The following NAXE variants were observed in gnomAD, a reference collection of about 807,000 sequenced individuals.
NAXE encodes the protein NAD(P)HX epimerase, also known as NAD(P)H-hydrate epimerase.
Under a neutral mutation model 31.2 loss-of-function variants are expected in NAXE, and 25 were observed. That is an observed-to-expected ratio of 0.80 (90% CI 0.58 to 1.12). The LOEUF (loss-of-function observed/expected upper bound fraction) is 1.12, where lower values mean the gene tolerates loss of function less well. Ranked by LOEUF, NAXE falls within the 50% of genes most tolerant of loss-of-function variation. NAXE has a pLI of 0.00. For synonymous variants in NAXE, 144 were observed against 154.5 expected (o/e 0.93, Z 0.50); for missense variants, 362 against 376.1 (o/e 0.96, Z 0.31).
At chr1:156,592,032 T>C (rs1677341496) in intron 1 of NAXE, 46 bp downstream of exon 1, 1 of 1,613,136 alleles carries the variant, frequency 6.2e-7, no homozygotes, top group Non-Finnish European at 8.5e-7. Flanking sequence ...GGGCGGGGCC[T>C]GGGACGGCCG....
At chr1:156,593,051 C>T (rs544783675) in intron 4 of NAXE, 1 of 387,838 alleles carries the variant, frequency 2.6e-6, no homozygotes, top group South Asian at 4.4e-5. Context: ...TTCCTTAACC[C>T]ATTTTACAGA....
At position 156,594,058 on chromosome 1, in the gene NAXE, A is replaced by G. The variant is rs762855846; in HGVS notation, c.841A>G (p.Thr281Ala). ...GCTGAACCTGCCACCCTACCCTGAC[A>G]CCGAGTGTGTCTATCGTCTGCAGTG... is the stretch of plus-strand genomic sequence containing the variant. ...YQLNLPPYPDTECVYRLQ is the reference protein window; with the variant it reads ...YQLNLPPYPDAECVYRLQ Residue 281 changes from threonine (T) to alanine (A), a missense_variant, in exon 6 of 6, where the codon ACC becomes GCC. By Grantham distance (58) the Thr-to-Ala change is moderately conservative (BLOSUM62 0). Coordinates refer to ENST00000368235, the MANE Select transcript of NAXE (RefSeq NM_144772.3). 1 of 1,614,032 alleles carries G rather than the reference A, an allele frequency of 6.2e-7. No individual in the cohort carries two copies. The highest frequency in any genetic ancestry group is 1.1e-5 in the South Asian group (1 of 91,068).
At chr1:156,593,677 C>A (rs1178105729) in intron 5 of NAXE, 122 bp downstream of exon 5, 10 of 1,447,562 alleles carry the variant, frequency 6.9e-6, no homozygotes, top group Non-Finnish European at 9.5e-6. Flanking sequence ...GGACCCCCAT[C>A]AGGGCTGGGG....
At chr1:156,593,712 C>T in intron 5 of NAXE, 157 bp downstream of exon 5, 2 of 1,335,956 alleles carry the variant, frequency 1.5e-6, no homozygotes, top group Non-Finnish European at 2.1e-6. Context: ...GTCCCCTTTA[C>T]ATGTTGGCCC....
intron 4 of NAXE, chr1:156,592,914 A>C (rs572841989): frequency 3.7e-6 from 2 of 537,996 alleles, no homozygotes; most frequent in African/African-American, 1.9e-5. Context: ...TCCACTCTGT[A>C]GTCAGATCCT....
chr1:156,592,079 T>G (rs1004562845), intron 1 of NAXE, 22 bp from the exon 2 acceptor site: 1 of 1,614,122 alleles, frequency 6.2e-7, no homozygotes, highest in Non-Finnish European at 8.5e-7. Flanking sequence ...GGGGCGGGAC[T>G]CAGGCCGCGG....
Position 156,592,362 on chromosome 1 carries a change from C to G in NAXE, c.292-3C>G. 1 of 1,613,900 alleles carries G rather than the reference C, an allele frequency of 6.2e-7. No individual in the cohort carries two copies. The highest frequency in any genetic ancestry group is 8.5e-7 in the Non-Finnish European group (1 of 1,179,836). ...GCCGAACCACCCTTGACTCTGCCTT[C>G]AGGCATATCCCCCCACGTCCATGTC... On this transcript the variant is annotated splice_region_variant and splice_polypyrimidine_tract_variant and intron_variant, in intron 2 of 5. Transcript: ENST00000368235.
chr1:156,593,848 T>A (rs1352398870), intron 5 of NAXE, 34 bp from the exon 6 acceptor site: 1 of 1,605,802 alleles, frequency 6.2e-7, no homozygotes, highest in Admixed American at 1.7e-5. Context: ...GGACGAGACA[T>A]CTGGCCTCTT....
chr1:156,593,119 C>T (rs1677384705), intron 4 of NAXE: 1 of 459,188 alleles, frequency 2.2e-6, no homozygotes, highest in Non-Finnish European at 3.9e-6. Context: ...TGTATCATGG[C>T]AGAGCTGAAA....
intron 4 of NAXE, chr1:156,593,168 A>G (rs958175165): frequency 1.4e-5 from 7 of 505,642 alleles, no homozygotes; most frequent in African/African-American, 1.2e-4. Flanking sequence ...AGGCTATCTC[A>G]GCCTGTAGCC....
chr1:156,592,279 G>A, intron 2 of NAXE, 70 bp downstream of exon 2: 1 of 1,604,530 alleles, frequency 6.2e-7, no homozygotes, highest in Non-Finnish European at 8.5e-7. Flanking sequence ...CCTGGCCTAG[G>A]CACAAAGGGG....
In NAXE at chr1:156,592,178, C is replaced by T; in HGVS notation, c.260C>T (p.Ala87Val). Residue 87 changes from alanine (A) to valine (V), a missense_variant, in exon 2 of 6, where the codon GCC (alanine) becomes GTC (valine). By Grantham distance (64) the Ala-to-Val change is moderately conservative. Coordinates refer to ENST00000368235, the MANE Select transcript of NAXE (RefSeq NM_144772.3). ...AGCGTGGACCAACTTATGGAACTGG[C>T]CGGGCTGAGCTGTGCTACAGCCATC... ...QFSVDQLMEL[A>V]GLSCATAIAK... The T allele has an allele frequency of 6.2e-7, 1 of 1,614,198 alleles. No individual in the cohort carries two copies.
At position 156,592,294 on chromosome 1, in the gene NAXE, A is replaced by G. The variant is rs575455774; in HGVS notation, c.292-71A>G. On this transcript the variant is annotated intron_variant, in intron 2 of 5. Transcript: ENST00000368235. ...CCTGGCCTAGGCACAAAGGGGTGGG[A>G]GAGACAGCTGGGCCAATATGGTCTA... 63 of 1,602,990 alleles carry G rather than the reference A, an allele frequency of 3.9e-5. No homozygotes were observed. In the African/African-American group the frequency reaches 8.2e-4, roughly 21 times the overall value.
Position 156,594,052 on chromosome 1 carries a change from C to T in NAXE, c.835C>T (p.Pro279Ser), listed in dbSNP as rs1380810244. 6.2e-7 allele frequency: 1 copy of T among 1,613,990 alleles called. No homozygotes were observed. Among genetic ancestry groups the T allele is most frequent in the Non-Finnish European group, 8.5e-7 (1 of 1,179,998 alleles). ...KKYQLNLPPY[P>S]DTECVYRLQ ...GTACCAGCTGAACCTGCCACCCTAC[C>T]CTGACACCGAGTGTGTCTATCGTCT... is the stretch of plus-strand genomic sequence containing the variant. Residue 279 changes from proline to serine, a missense_variant, in exon 6 of 6, where the codon CCT becomes TCT. By Grantham distance (74) the Pro-to-Ser change is moderately conservative. Transcript: ENST00000368235.
At chr1:156,592,921 T>C in intron 4 of NAXE, 1 of 528,152 alleles carries the variant, frequency 1.9e-6, no homozygotes, top group Non-Finnish European at 3.4e-6. Context: ...TGTAGTCAGA[T>C]CCTCTTGCCC....
chr1:156,593,603 C>T lies in NAXE; in HGVS notation c.664+48C>T, dbSNP rs373985294. On this transcript the variant is annotated intron_variant, in intron 5 of 5. Coordinates refer to ENST00000368235, the MANE Select transcript of NAXE (RefSeq NM_144772.3). ...GTGGGGGAGATTGGGGCCCTACCCT[C>T]CTGACTCTTGCCCACACCAGGTCTA... The T allele has an allele frequency of 2.5e-6, 4 of 1,611,564 alleles. No individual in the cohort carries two copies. The African/African-American group carries it at 5.3e-5, about 21-fold the overall frequency.
Position 156,594,256 on chromosome 1 carries a change from G to T in NAXE, c.*172G>T. 1.6e-6 allele frequency: 1 copy of T among 643,718 alleles called. No individual in the cohort carries two copies. The highest frequency in any genetic ancestry group is 2.0e-5 in the South Asian group (1 of 50,860). The allele number at this position is 643,718 out of a possible 1,614,324, so 39.9% of individuals were successfully genotyped here. Reference sequence around the variant, plus strand: ...GGGGTAACACAAAGGGCAAGAGGTTGCTATGGTATTTGGAAACAATGAAAA... The same window carrying T: ...GGGGTAACACAAAGGGCAAGAGGTTTCTATGGTATTTGGAAACAATGAAAA... On this transcript the variant is annotated 3_prime_UTR_variant, in exon 6 of 6. Transcript: ENST00000368235.
Position 156,592,161 on chromosome 1 carries a change from C to G in NAXE, c.243C>G (p.Asp81Glu). The change falls in exon 2 of 6, where the codon GAC becomes GAG. Residue 81 changes from aspartate (D) to glutamate (E), a missense_variant. Asp to Glu is a conservative substitution (Grantham distance 45, BLOSUM62 2). Transcript: ENST00000368235. ...ELFNEYQFSV[D>E]QLMELAGLSC... ...TTAACGAATACCAGTTCAGCGTGGACCAACTTATGGAACTGGCCGGGCTGA... is the reference window on the plus strand; with the variant it reads ...TTAACGAATACCAGTTCAGCGTGGAGCAACTTATGGAACTGGCCGGGCTGA... 6.2e-7 allele frequency: 1 copy of G among 1,614,218 alleles called. No homozygotes were observed. Among genetic ancestry groups the G allele is most frequent in the Non-Finnish European group, 8.5e-7 (1 of 1,180,036 alleles).
At position 156,592,690 on chromosome 1, in the gene NAXE, T is replaced by C; in HGVS notation, c.516+20T>C. Reference sequence around the variant, plus strand: ...GCAGAGGTAGGTGGCTCCAGTTGAATACCTCCATCCTACAGTAACCACTGC... The same window carrying C: ...GCAGAGGTAGGTGGCTCCAGTTGAACACCTCCATCCTACAGTAACCACTGC... On this transcript the variant is annotated intron_variant, in intron 4 of 5. Coordinates refer to ENST00000368235, the MANE Select transcript of NAXE (RefSeq NM_144772.3). 2 of 1,585,298 alleles carry C rather than the reference T, an allele frequency of 1.3e-6. No homozygotes were observed.
Sources: gnomAD v4.1 joint callset for allele counts on GRCh38, gnomAD v4.1.1 for gene constraint, MANE v1.5 for transcripts, NCBI Gene and HGNC (gene_info 2026-07-23, HGNC 2026-07-21) for gene names.